SH3D19: variants seen among roughly 807,000 people sequenced by gnomAD.
SH3D19 encodes SH3 domain-containing protein 19.
In SH3D19, 58 loss-of-function variants were observed where a neutral mutation model predicts 112.1. The observed-to-expected ratio is 0.52, with a 90% CI of 0.42 to 0.64. The LOEUF is 0.64. Ranked by LOEUF, SH3D19 falls within the 30% of genes least tolerant of loss-of-function variation. SH3D19 has a pLI of 0.00. For synonymous variants in SH3D19, 391 were observed against 448.5 expected, an observed-to-expected ratio of 0.87 and a Z score of 1.62; for missense variants, 1,090 against 1,263.4, an observed-to-expected ratio of 0.86 and a Z score of 2.08.
At chr4:151,322,935 A>G (rs1374636327) in intron 1 of SH3D19, among the ~76,000 whole-genome samples, 1 of 150,940 alleles carries the variant, frequency 6.6e-6, no homozygotes, top group African/African-American at 2.4e-5. Context: ...GTACAGAATG[A>G]AAAGGAAATA....
chr4:151,195,616 A>AT (rs965037910), intron 2 of SH3D19, among the ~76,000 whole-genome samples: 1 of 151,000 alleles, frequency 6.6e-6, no homozygotes, highest in Non-Finnish European at 1.5e-5. Context: ...ACATTTATAT[A>AT]TTTTTTTAAT....
At chr4:151,185,753 T>C (rs1322867534) in intron 3 of SH3D19, among the ~76,000 whole-genome samples, 2 of 152,178 alleles carry the variant, frequency 1.3e-5, no homozygotes, top group Non-Finnish European at 1.5e-5. Context: ...CCTGTGAATA[T>C]CCTAAATTCA....
intron 2 of SH3D19, among the ~76,000 whole-genome samples, chr4:151,224,422 A>C (rs939830384): frequency 2.6e-5 from 4 of 152,230 alleles, no homozygotes; most frequent in Admixed American, 2.0e-4. Flanking sequence ...ATGTAATGAC[A>C]TAAGATTTTT....
chr4:151,173,683 C>T (rs1311309052), intron 7 of SH3D19, among the ~76,000 whole-genome samples: 1 of 152,178 alleles, frequency 6.6e-6, no homozygotes, highest in Non-Finnish European at 1.5e-5. Context: ...ATGTTCTGTG[C>T]ATGATGAATA....
Position 151,209,812 on chromosome 4 carries a change from C to T in SH3D19, c.152+16235G>A, listed in dbSNP as rs1293072987. On this transcript the variant is annotated intron_variant, in intron 2 of 19. Transcript: ENST00000604030. ...CTTCAGAAAGGCCTCTGAAAAGCTCCGAGCATACAGATTTCCAGAGGCTGT... is the reference window on the plus strand; with the variant it reads ...CTTCAGAAAGGCCTCTGAAAAGCTCTGAGCATACAGATTTCCAGAGGCTGT... Among the ~76,000 whole-genome samples, 8 of 152,236 alleles carry T rather than the reference C, an allele frequency of 5.3e-5. No individual in the cohort carries two copies. The East Asian group carries it at 1.5e-3, about 29-fold the overall frequency.
intron 10 of SH3D19, 152 bp from the exon 11 acceptor site, chr4:151,148,338 G>T (rs1579784514): frequency 1.2e-6 from 1 of 803,318 alleles, no homozygotes; most frequent in Non-Finnish European, 1.8e-6. Context: ...AACATGCAGG[G>T]TATGCTATTT....
chr4:151,291,188 G>A (rs368365096), intron 1 of SH3D19: 1 of 1,613,948 alleles, frequency 6.2e-7, no homozygotes. Context: ...GTAAGCTGGG[G>A]ATTAGAATGT....
chr4:151,277,078 TA>T, intron 1 of SH3D19: 2 of 918,076 alleles, frequency 2.2e-6, no homozygotes, highest in Non-Finnish European at 3.0e-6. Flanking sequence ...GGAATCCATC[TA>T]GGAGAAGCTA....
At chr4:151,295,085 C>T (rs1008806328) in intron 1 of SH3D19, among the ~76,000 whole-genome samples, 6 of 152,116 alleles carry the variant, frequency 3.9e-5, no homozygotes, top group African/African-American at 1.4e-4. Context: ...GAACTGAGAC[C>T]AGAAAGAAAG....
Position 151,128,221 on chromosome 4 carries a change from G to A in SH3D19, c.2878C>T (p.Leu960=). 2 of 1,613,686 alleles carry A rather than the reference G, an allele frequency of 1.2e-6. No homozygotes were observed. The highest frequency in any genetic ancestry group is 1.7e-6 in the Non-Finnish European group (2 of 1,179,818). ...RLDSDWCRGR[L]QDREGIFPAV... ...GGGAAGATCCCCTCCCTGTCCTGCAGTCTGCCCCTGCACCAGTCAGAATCC... is the reference window on the plus strand; with the variant it reads ...GGGAAGATCCCCTCCCTGTCCTGCAATCTGCCCCTGCACCAGTCAGAATCC... Residue 960 remains leucine (L), a synonymous_variant, in exon 18 of 20, where the codon CTG becomes TTG. Coordinates refer to ENST00000604030, the MANE Select transcript of SH3D19 (RefSeq NM_001378122.1).
intron 8 of SH3D19, among the ~76,000 whole-genome samples, chr4:151,161,095 G>A (rs1757071963): frequency 6.6e-6 from 1 of 152,178 alleles, no homozygotes; most frequent in African/African-American, 2.4e-5. Flanking sequence ...TATCTGGTGT[G>A]AGTATGTGTG....
At chr4:151,139,970 A>C (rs1303429750) in intron 12 of SH3D19, 123 bp from the exon 13 acceptor site, 7 of 722,444 alleles carry the variant, frequency 9.7e-6, no homozygotes, top group Non-Finnish European at 1.7e-5. Context: ...TTATGAGTAC[A>C]TGATGCAAAC....
At chr4:151,279,754 G>T in intron 1 of SH3D19, 1 of 1,588,806 alleles carries the variant, frequency 6.3e-7, no homozygotes, top group East Asian at 2.2e-5. Flanking sequence ...AGAGAAACAG[G>T]ACTCCTAGGT....
In SH3D19 at chr4:151,125,492, C is replaced by CA. The variant is rs112707542; in HGVS notation, c.3027+2125dup. On this transcript the variant is annotated intron_variant, in intron 19 of 19. Transcript: ENST00000604030. ...GAAACAAAACAAAACAAAACAAAAC[C>CA]AAAAAAAAAAAAAAAGAAAGAAAGA... is the stretch of plus-strand genomic sequence containing the variant. 8.2e-3 allele frequency among the ~76,000 whole-genome samples: 987 copies of CA among 119,932 alleles called. 13 individuals carry two copies. The highest frequency in any genetic ancestry group is 0.026 in the African/African-American group (720 of 27,338). The allele number at this position is 119,932 out of a possible 152,430, so 78.7% of individuals were successfully genotyped here. A position where few individuals can be genotyped will look rare whatever the true frequency, so the allele number is the denominator to read the frequency against.
chr4:151,205,389 T>C (rs1764957398), intron 2 of SH3D19, among the ~76,000 whole-genome samples: 1 of 152,220 alleles, frequency 6.6e-6, no homozygotes, highest in Non-Finnish European at 1.5e-5. Context: ...TGTTTTAGGC[T>C]ATCAGTGAAT....
intron 1 of SH3D19, among the ~76,000 whole-genome samples, chr4:151,254,070 C>T (rs1194447429): frequency 1.3e-5 from 2 of 152,168 alleles, no homozygotes; most frequent in Non-Finnish European, 2.9e-5. Flanking sequence ...AGCCATTTAA[C>T]CTCCAAGGGC....
intron 2 of SH3D19, among the ~76,000 whole-genome samples, chr4:151,200,623 T>C (rs1764257854): frequency 6.6e-6 from 1 of 152,200 alleles, no homozygotes; most frequent in South Asian, 2.1e-4. Context: ...TACTTTATCA[T>C]TTTATTGACT....
intron 1 of SH3D19, among the ~76,000 whole-genome samples, chr4:151,292,231 C>T (rs1002015638): frequency 1.3e-5 from 2 of 151,278 alleles, no homozygotes; most frequent in Non-Finnish European, 2.9e-5. Flanking sequence ...ACCAGGAGTT[C>T]GAGGCTGCAG....
At chr4:151,243,253 A>G (rs1770689003) in intron 1 of SH3D19, among the ~76,000 whole-genome samples, 1 of 152,220 alleles carries the variant, frequency 6.6e-6, no homozygotes. Flanking sequence ...GTGTCCAACT[A>G]TTTGTAAGAA....
Sources: allele counts gnomAD v4.1 joint callset (sites outside exome capture counted in the v4.1 genomes callset), GRCh38; gene constraint gnomAD v4.1.1; transcripts MANE v1.5; gene names NCBI Gene and HGNC (gene_info 2026-07-23, HGNC 2026-07-21).